Variants in SGCD observed in about 807,000 individuals in gnomAD.
The protein encoded by SGCD is sarcoglycan delta.
In SGCD, 18 loss-of-function variants were observed where a neutral mutation model predicts 36.6. The ratio of observed to expected loss-of-function variants is 0.49; its 90% confidence interval spans 0.34 to 0.73. The LOEUF (loss-of-function observed/expected upper bound fraction) is 0.73. Ranked by LOEUF, SGCD falls within the 30% of genes least tolerant of loss-of-function variation. SGCD has a pLI of 0.01. For missense variants in SGCD, 387 were observed against 346.7 expected (o/e 1.12, Z -0.92); for synonymous variants, 133 against 130.6 (o/e 1.02, Z -0.12).
intron 7 of SGCD, among the ~76,000 whole-genome samples, chr5:156,667,438 A>G (rs889382207): frequency 4.6e-5 from 7 of 152,166 alleles, no homozygotes; most frequent in African/African-American, 1.7e-4. Flanking sequence ...CTTTCCCCAC[A>G]CACCCCAGCA....
chr5:155,800,839 G>C, the SGCD span, among the ~76,000 whole-genome samples: 1 of 151,890 alleles, frequency 6.6e-6, no homozygotes, highest in Non-Finnish European at 1.5e-5. Flanking sequence ...GTTTTCCTTT[G>C]TGATTTCCAT....
intron 3 of SGCD, among the ~76,000 whole-genome samples, chr5:156,368,513 A>C (rs1057499005): frequency 1.5e-4 from 23 of 152,338 alleles, no homozygotes; most frequent in African/African-American, 5.3e-4. Flanking sequence ...TGTTACTTGC[A>C]GTACATTTCT....
At chr5:156,108,979 G>A (rs978776694) in intron 1 of SGCD, among the ~76,000 whole-genome samples, 23 of 152,116 alleles carry the variant, frequency 1.5e-4, no homozygotes, top group Non-Finnish European at 2.9e-4. Flanking sequence ...AGTGAGTATA[G>A]GCCGTGCTTG....
chr5:156,401,168 G>T (rs1772124801), intron 3 of SGCD, among the ~76,000 whole-genome samples: 2 of 152,186 alleles, frequency 1.3e-5, no homozygotes, highest in Non-Finnish European at 2.9e-5. Context: ...TATGCAAACA[G>T]AAATTGAGAT....
intron 6 of SGCD, among the ~76,000 whole-genome samples, chr5:156,595,682 T>TG (rs1211455288): frequency 3.3e-5 from 5 of 152,202 alleles, no homozygotes; most frequent in Non-Finnish European, 5.9e-5. Context: ...CTGGCAGGCG[T>TG]GCTTGACGCA....
chr5:156,337,307 C>A (rs1039199172), intron 2 of SGCD, among the ~76,000 whole-genome samples: 16 of 152,068 alleles, frequency 1.1e-4, no homozygotes, highest in Non-Finnish European at 2.1e-4. Context: ...TTAAATTCAC[C>A]CAATTTTAAC....
chr5:155,898,075 C>T (rs543200171), intron 1 of SGCD, among the ~76,000 whole-genome samples: 148 of 152,318 alleles, frequency 9.7e-4, no homozygotes, highest in African/African-American at 3.5e-3. Flanking sequence ...GGAAATTCAA[C>T]TTCTTTTCCA....
Position 156,269,500 on chromosome 5 carries a change from A to AC in SGCD, c.-43-60034_-43-60033insC, listed in dbSNP as rs1202945085. Among the ~76,000 whole-genome samples, 95 of 85,482 alleles carry AC rather than the reference A, an allele frequency of 1.1e-3. 6 individuals carry two copies. Among genetic ancestry groups the AC allele is most frequent in the Admixed American group, 1.8e-3 (15 of 8,526 alleles). 56.1% of individuals were successfully genotyped at this position (85,482 alleles called of 152,430 possible). On this transcript the variant is annotated intron_variant, in intron 3 of 9. Coordinates refer to the SGCD transcript ENST00000517913. ...AAAAAAAAAAAAAAAAAAAAAAAAA[A>AC]AAAAAAAAAACCATCAGATCTCATG...
chr5:156,331,193 T>C (rs1201033387), intron 2 of SGCD, among the ~76,000 whole-genome samples: 1 of 152,222 alleles, frequency 6.6e-6, no homozygotes, highest in African/African-American at 2.4e-5. Flanking sequence ...TTGCCCAAAT[T>C]TCTCTAGAAA....
intron 3 of SGCD, among the ~76,000 whole-genome samples, chr5:156,133,653 T>C (rs1300008719): frequency 6.6e-6 from 1 of 152,232 alleles, no homozygotes; most frequent in African/African-American, 2.4e-5. Context: ...TCGATTCTGC[T>C]TCTGATTCTG....
chr5:155,757,669 A>T, the SGCD span, among the ~76,000 whole-genome samples: 1 of 152,104 alleles, frequency 6.6e-6, no homozygotes, highest in Non-Finnish European at 1.5e-5. Context: ...GTTGTACAGG[A>T]TGTTGGGTGG....
At chr5:156,100,358 G>A (rs1761492620) in intron 1 of SGCD, among the ~76,000 whole-genome samples, 1 of 152,032 alleles carries the variant, frequency 6.6e-6, no homozygotes, top group Admixed American at 6.5e-5. Flanking sequence ...AGTATCTCCT[G>A]GGAATCCTGG....
chr5:156,129,545 T>C (rs968725619), intron 3 of SGCD, among the ~76,000 whole-genome samples: 1 of 152,190 alleles, frequency 6.6e-6, no homozygotes, highest in Non-Finnish European at 1.5e-5. Flanking sequence ...GTAGGTAAAC[T>C]AGCGTCACAG....
At chr5:156,279,540 G>A (rs1262199649) in intron 3 of SGCD, among the ~76,000 whole-genome samples, 2 of 152,084 alleles carry the variant, frequency 1.3e-5, no homozygotes, top group African/African-American at 4.8e-5. Flanking sequence ...AGTTCAAAAA[G>A]AAGAAATGTG....
chr5:156,231,021 T>G (rs1297230233), intron 3 of SGCD, among the ~76,000 whole-genome samples: 1 of 152,118 alleles, frequency 6.6e-6, no homozygotes, highest in African/African-American at 2.4e-5. Flanking sequence ...CAAGGAGGGT[T>G]GTTTCAAAAG....
chr5:155,767,700 C>G, the SGCD span, among the ~76,000 whole-genome samples: 29 of 152,268 alleles, frequency 1.9e-4, no homozygotes, highest in African/African-American at 7.0e-4. Context: ...AGTATTAAGG[C>G]TGTCCTGGTA....
chr5:156,322,271 G>A (rs189675810), upstream of SGCD, among the ~76,000 whole-genome samples: 157 of 152,308 alleles, frequency 1.0e-3, no homozygotes, highest in Non-Finnish European at 1.4e-3. Flanking sequence ...AGGTCAGAAA[G>A]AGTAAATGAG....
At chr5:156,004,513 G>A (rs940717066) in intron 1 of SGCD, among the ~76,000 whole-genome samples, 1 of 152,102 alleles carries the variant, frequency 6.6e-6, no homozygotes. Flanking sequence ...GCCGCAGACT[G>A]GAACACTGAC....
intron 1 of SGCD, among the ~76,000 whole-genome samples, chr5:156,090,471 G>A (rs1482886837): frequency 6.6e-6 from 1 of 152,156 alleles, no homozygotes; most frequent in East Asian, 1.9e-4. Flanking sequence ...TGAAAGGGGA[G>A]GGGGTGTTAC....
Sources: allele counts gnomAD v4.1 joint callset (sites outside exome capture counted in the v4.1 genomes callset), GRCh38; gene constraint gnomAD v4.1.1; transcripts MANE v1.5; gene names NCBI Gene and HGNC (gene_info 2026-07-23, HGNC 2026-07-21).